The following PRKG1 variants were observed in gnomAD, a reference collection of about 807,000 sequenced individuals.
The protein encoded by PRKG1 is protein kinase cGMP-dependent 1.
A neutral mutation model predicts 88.1 loss-of-function variants in PRKG1; 35 were observed. That is an observed-to-expected ratio of 0.40 (90% CI 0.30 to 0.53). PRKG1 has a LOEUF of 0.53. Among genes scored for constraint, PRKG1 ranks in the 20% least tolerant of loss-of-function variants. The pLI, the probability that PRKG1 is intolerant of heterozygous loss-of-function variation, is 0.59. For missense variants in PRKG1, 540 were observed against 839.8 expected (o/e 0.64, Z 4.41); for synonymous variants, 303 against 292.5 (o/e 1.04, Z -0.37).
intron 1 of PRKG1, among the ~76,000 whole-genome samples, chr10:51,147,190 A>G (rs1281439293): frequency 6.6e-6 from 1 of 152,160 alleles, no homozygotes; most frequent in East Asian, 1.9e-4. Context: ...AATTATAGCT[A>G]CATAAGAGGA....
At chr10:52,220,790 A>T (rs142291073) in intron 9 of PRKG1, among the ~76,000 whole-genome samples, 6 of 152,234 alleles carry the variant, frequency 3.9e-5, no homozygotes, top group African/African-American at 1.4e-4. Context: ...GTATATATAT[A>T]CCACATTTTC....
At chr10:51,920,510 T>C (rs1201410428) in intron 5 of PRKG1, among the ~76,000 whole-genome samples, 1 of 152,166 alleles carries the variant, frequency 6.6e-6, no homozygotes, top group African/African-American at 2.4e-5. Context: ...TCTTTCTGTT[T>C]AGTTTCGTGT....
At chr10:51,960,367 A>T (rs1843417437) in intron 5 of PRKG1, among the ~76,000 whole-genome samples, 1 of 152,082 alleles carries the variant, frequency 6.6e-6, no homozygotes, top group African/African-American at 2.4e-5. Context: ...TGAAGGAGGG[A>T]AAAAACAGGA....
At chr10:51,204,997 A>G (rs945408148) in intron 2 of PRKG1, among the ~76,000 whole-genome samples, 1 of 152,044 alleles carries the variant, frequency 6.6e-6, no homozygotes, top group Admixed American at 6.5e-5. Context: ...TGCTTAGATT[A>G]TTGCCTTTCC....
intron 4 of PRKG1, among the ~76,000 whole-genome samples, chr10:51,847,064 C>G (rs552051286): frequency 6.6e-6 from 1 of 152,130 alleles, no homozygotes; most frequent in Non-Finnish European, 1.5e-5. Flanking sequence ...CTAATAGCAG[C>G]TCAGCTGCTC....
chr10:51,579,980 A>G (rs1338246716), intron 3 of PRKG1, among the ~76,000 whole-genome samples: 1 of 152,084 alleles, frequency 6.6e-6, no homozygotes, highest in Non-Finnish European at 1.5e-5. Flanking sequence ...ATCCTTCCAC[A>G]TCCCATTCTT....
rs116993022 is a variant in PRKG1 at position 51,178,948 on chromosome 10, G to A, written c.478+25618G>A. On this transcript the variant is annotated intron_variant, in intron 2 of 17. Transcript: ENST00000373980. ...TTAGTACACTAGACTGAATAAGAGA[G>A]CTTAATGCAGTAAAATGAAAACTGA... Among the ~76,000 whole-genome samples, 1,657 of 152,256 alleles carry A rather than the reference G, an allele frequency of 0.011. 55 individuals carry two copies. The East Asian group carries it at 0.12, about 11-fold the overall frequency.
intron 1 of PRKG1, among the ~76,000 whole-genome samples, chr10:51,141,080 C>A (rs967208348): frequency 3.9e-5 from 6 of 152,132 alleles, no homozygotes; most frequent in African/African-American, 1.4e-4. Flanking sequence ...GCTCAGTGTC[C>A]CACAACCTCG....
At chr10:51,838,958 C>T (rs1840199292) in intron 4 of PRKG1, among the ~76,000 whole-genome samples, 1 of 152,070 alleles carries the variant, frequency 6.6e-6, no homozygotes, top group Admixed American at 6.6e-5. Context: ...TATAATGGCA[C>T]ATACATTTTA....
At position 52,105,812 on chromosome 10, in the gene PRKG1, C is replaced by T. The variant is rs9804367; in HGVS notation, c.936-28028C>T. On this transcript the variant is annotated intron_variant, in intron 7 of 17. Coordinates refer to ENST00000373980, the MANE Select transcript of PRKG1 (RefSeq NM_006258.4). ...CTCTGAAATTTGTTTCTTTTCAATG[C>T]TTCTTTTATTTTTTTTTATTTCAAT... 3.4e-3 allele frequency among the ~76,000 whole-genome samples: 514 copies of T among 151,860 alleles called. 3 individuals carry two copies. Among genetic ancestry groups the T allele is most frequent in the African/African-American group, 0.012 (502 of 41,366 alleles).
intron 3 of PRKG1, among the ~76,000 whole-genome samples, chr10:51,580,576 T>C (rs1043627372): frequency 2.0e-5 from 3 of 152,158 alleles, no homozygotes; most frequent in African/African-American, 7.2e-5. Flanking sequence ...GCCATTTTCA[T>C]GGAAGAGAAT....
At chr10:52,157,432 C>T (rs898761486) in intron 8 of PRKG1, among the ~76,000 whole-genome samples, 4 of 149,416 alleles carry the variant, frequency 2.7e-5, no homozygotes, top group African/African-American at 9.8e-5. Flanking sequence ...GTTTGGACTG[C>T]CTTTCTAATA....
chr10:51,080,016 C>T (rs979812687), intron 1 of PRKG1, among the ~76,000 whole-genome samples: 4 of 152,086 alleles, frequency 2.6e-5, no homozygotes, highest in Non-Finnish European at 5.9e-5. Flanking sequence ...AGTTGTTTTT[C>T]GAAAGTCATC....
In PRKG1 at chr10:51,907,783, G is replaced by A. The variant is rs546459642; in HGVS notation, c.762+213G>A. The A allele has an allele frequency of 1.2e-5, 5 of 424,850 alleles. No individual in the cohort carries two copies. In the Admixed American group the frequency reaches 1.3e-4, roughly 11 times the overall value. The allele number at this position is 424,850 out of a possible 1,614,324, so 26.3% of individuals were successfully genotyped here. Reference sequence around the variant, plus strand: ...AGGTGCAAATCAACCTAATTATAGAGGGAGACAAACTTTTTGTTGTGATAA... The same window carrying A: ...AGGTGCAAATCAACCTAATTATAGAAGGAGACAAACTTTTTGTTGTGATAA... On this transcript the variant is annotated intron_variant, in intron 5 of 17. Transcript: ENST00000373980.
chr10:51,119,634 C>T (rs947668468), intron 1 of PRKG1, among the ~76,000 whole-genome samples: 6 of 151,986 alleles, frequency 3.9e-5, no homozygotes, highest in Non-Finnish European at 8.8e-5. Context: ...ATAATTCCAA[C>T]ACTAACTCTC....
intron 7 of PRKG1, among the ~76,000 whole-genome samples, chr10:52,123,816 G>T (rs375130834): frequency 1.9e-4 from 29 of 151,842 alleles, no homozygotes; most frequent in African/African-American, 6.3e-4. Flanking sequence ...AGTTAACATG[G>T]TAAAGGAAAA....
intron 2 of PRKG1, among the ~76,000 whole-genome samples, chr10:51,343,667 G>T (rs73335656): frequency 6.6e-6 from 1 of 151,662 alleles, no homozygotes; most frequent in Non-Finnish European, 1.5e-5. Flanking sequence ...TAATTTTCAC[G>T]TATAATTACT....
intron 2 of PRKG1, among the ~76,000 whole-genome samples, chr10:51,222,073 C>T (rs897027279): frequency 6.6e-6 from 1 of 151,850 alleles, no homozygotes; most frequent in Non-Finnish European, 1.5e-5. Context: ...CACGGGGTTT[C>T]ACCACTTTGG....
rs376443600 is a variant in PRKG1 at position 52,250,550 on chromosome 10, G to A, written c.1077-1020G>A. On this transcript the variant is annotated intron_variant, in intron 9 of 17. Coordinates refer to ENST00000373980, the MANE Select transcript of PRKG1 (RefSeq NM_006258.4). ...CTGTGTTAGTATCATTACCTCAAGT[G>A]CATTCATCATTTCTATCTATAGTGT... 5.9e-5 allele frequency among the ~76,000 whole-genome samples: 9 copies of A among 152,248 alleles called. No homozygotes were observed. The South Asian group carries it at 1.9e-3, about 32-fold the overall frequency.
Sources: gnomAD v4.1 joint callset for allele counts (sites outside exome capture counted in the v4.1 genomes callset) on GRCh38, gnomAD v4.1.1 for gene constraint, MANE v1.5 for transcripts, NCBI Gene and HGNC (gene_info 2026-07-23, HGNC 2026-07-21) for gene names.